The following TEAD1 variants were observed in gnomAD, a reference collection of about 807,000 sequenced individuals.
TEAD1 encodes the protein TEA domain transcription factor 1.
TEAD1 carries 9 observed loss-of-function variants against 54.9 expected under a neutral mutation model. That is an observed-to-expected ratio of 0.16 (90% CI 0.10 to 0.29). The LOEUF (loss-of-function observed/expected upper bound fraction) is 0.29. Among genes scored for constraint, TEAD1 ranks in the 10% least tolerant of loss-of-function variants. The pLI is 1.00. For synonymous variants in TEAD1, 200 were observed against 187.8 expected, an observed-to-expected ratio of 1.07 and a Z score of -0.53; for missense variants, 387 against 535.9, an observed-to-expected ratio of 0.72 and a Z score of 2.74.
At position 12,879,695 on chromosome 11, in the gene TEAD1, T is replaced by C; in HGVS notation, c.331-13T>C. The C allele has an allele frequency of 6.2e-7, 1 of 1,614,198 alleles. No individual in the cohort carries two copies. The highest frequency in any genetic ancestry group is 8.5e-7 in the Non-Finnish European group (1 of 1,180,032). On this transcript the variant is annotated splice_polypyrimidine_tract_variant and intron_variant, in intron 5 of 12. Coordinates refer to ENST00000527636, the MANE Select transcript of TEAD1 (RefSeq NM_021961.6). ...GTTATGTATTAAGTTGGTGTGTCACTGTCACCTTCAAGGATCAGACTGCAA... is the reference window on the plus strand; with the variant it reads ...GTTATGTATTAAGTTGGTGTGTCACCGTCACCTTCAAGGATCAGACTGCAA...
intron 9 of TEAD1, among the ~76,000 whole-genome samples, chr11:12,890,281 G>A (rs1296497630): frequency 6.6e-6 from 1 of 152,176 alleles, no homozygotes; most frequent in East Asian, 1.9e-4. Context: ...CTGCAAAGTA[G>A]GAGCTCCCCA....
At chr11:12,772,987 A>C (rs1314839525) in intron 3 of TEAD1, among the ~76,000 whole-genome samples, 4 of 152,136 alleles carry the variant, frequency 2.6e-5, no homozygotes, top group Admixed American at 6.5e-5. Flanking sequence ...CTGTTTATAA[A>C]ATTTTGTCAT....
chr11:12,769,731 A>T (rs1274660778), intron 3 of TEAD1, among the ~76,000 whole-genome samples: 1 of 152,148 alleles, frequency 6.6e-6, no homozygotes, highest in Non-Finnish European at 1.5e-5. Flanking sequence ...CCTCTGATTC[A>T]GGGTGTTATT....
chr11:12,809,471 C>A (rs1230469489), intron 3 of TEAD1, among the ~76,000 whole-genome samples: 1 of 152,182 alleles, frequency 6.6e-6, no homozygotes, highest in Non-Finnish European at 1.5e-5. Context: ...GTCTTGTAGG[C>A]ATTCAAGAAG....
At chr11:12,745,262 G>A (rs908268143) in intron 2 of TEAD1, among the ~76,000 whole-genome samples, 17 of 152,330 alleles carry the variant, frequency 1.1e-4, no homozygotes, top group African/African-American at 4.1e-4. Flanking sequence ...TAATTGCACG[G>A]TGTGATGTGC....
At chr11:12,827,427 A>G (rs1946678701) in intron 3 of TEAD1, among the ~76,000 whole-genome samples, 1 of 152,226 alleles carries the variant, frequency 6.6e-6, no homozygotes, top group Non-Finnish European at 1.5e-5. Flanking sequence ...ATCTCATTTC[A>G]TTCTGTCAAC....
In TEAD1 at chr11:12,938,617, T is replaced by TC. The variant is rs971106072; in HGVS notation, c.*1395_*1396insC. On this transcript the variant is annotated 3_prime_UTR_variant, in exon 13 of 13. Coordinates refer to ENST00000527636, the MANE Select transcript of TEAD1 (RefSeq NM_021961.6). ...GTTACAGTACTTGTTTGACTTAGGTTTAAGAGGCCCAGCTACCTATCTCTG... is the reference window on the plus strand; with the variant it reads ...GTTACAGTACTTGTTTGACTTAGGTTCTAAGAGGCCCAGCTACCTATCTCTG... The TC allele has an allele frequency of 2.0e-5, 3 of 152,236 alleles. No individual in the cohort carries two copies. Among genetic ancestry groups the TC allele is most frequent in the Admixed American group, 2.0e-4 (3 of 15,290 alleles). 9.4% of individuals were successfully genotyped at this position (152,236 alleles called of 1,614,324 possible). A position where few individuals can be genotyped will look rare whatever the true frequency, so the allele number is the denominator to read the frequency against.
chr11:12,784,315 G>T (rs1945629293), intron 3 of TEAD1, among the ~76,000 whole-genome samples: 2 of 152,260 alleles, frequency 1.3e-5, no homozygotes, highest in South Asian at 2.1e-4. Flanking sequence ...GAGTTGTATG[G>T]AGTTTGCAGT....
At chr11:12,797,419 A>G (rs2133970670) in intron 3 of TEAD1, among the ~76,000 whole-genome samples, 1 of 152,266 alleles carries the variant, frequency 6.6e-6, no homozygotes, top group East Asian at 1.9e-4. Flanking sequence ...CACCCTATCC[A>G]ATGACAATTC....
intron 3 of TEAD1, among the ~76,000 whole-genome samples, chr11:12,770,913 C>T (rs894807182): frequency 3.3e-5 from 5 of 152,168 alleles, no homozygotes; most frequent in Admixed American, 6.5e-5. Flanking sequence ...GATCATGTAG[C>T]GGTTTTTAAA....
At chr11:12,856,252 A>G (rs138819659) in intron 3 of TEAD1, among the ~76,000 whole-genome samples, 52 of 152,184 alleles carry the variant, frequency 3.4e-4, no homozygotes, top group Middle Eastern at 3.4e-3. Context: ...CACCTGAGAA[A>G]GGGAGGCGGA....
chr11:12,791,880 T>C (rs909440346), intron 3 of TEAD1, among the ~76,000 whole-genome samples: 2 of 152,190 alleles, frequency 1.3e-5, no homozygotes, highest in Non-Finnish European at 2.9e-5. Flanking sequence ...GAAATGTTTA[T>C]TATATGCAAA....
chr11:12,692,388 A>G lies in TEAD1; in HGVS notation c.-55+16827A>G, dbSNP rs555792238. On this transcript the variant is annotated intron_variant, in intron 2 of 12. Transcript: ENST00000527636. The stretch of plus-strand genomic sequence containing the variant: ...TTCACAGTGCAGCCAACACAGTCTC[A>G]TGACGGCACAAGTGAATAGTCCTGA... Among the ~76,000 whole-genome samples the G allele has an allele frequency of 3.9e-5, 6 of 152,320 alleles. No homozygotes were observed. The South Asian group carries it at 8.3e-4, about 21-fold the overall frequency.
Position 12,856,072 on chromosome 11 carries a change from A to G in TEAD1, c.203-6178A>G, listed in dbSNP as rs563772027. Among the ~76,000 whole-genome samples the G allele has an allele frequency of 3.3e-5, 5 of 150,940 alleles. No individual in the cohort carries two copies. The South Asian group carries it at 8.4e-4, about 25-fold the overall frequency. ...CCCCATGCTTTGTGCTGATGCCGGC[A>G]TGGGGTCTCCTGTGGAAGACATCTT... On this transcript the variant is annotated intron_variant, in intron 3 of 12. Coordinates refer to ENST00000527636, the MANE Select transcript of TEAD1 (RefSeq NM_021961.6).
At chr11:12,904,963 C>G (rs565533593) in intron 10 of TEAD1, 1 of 229,342 alleles carries the variant, frequency 4.4e-6, no homozygotes, top group Admixed American at 4.7e-5. Flanking sequence ...AATTTATTTA[C>G]GAGTGTAAAG....
intron 3 of TEAD1, among the ~76,000 whole-genome samples, chr11:12,785,648 T>C (rs1294004184): frequency 2.0e-5 from 3 of 152,186 alleles, no homozygotes; most frequent in African/African-American, 7.2e-5. Flanking sequence ...CCTGGTCCTA[T>C]GGCCCACATG....
chr11:12,766,290 A>G (rs1012974011), intron 3 of TEAD1, among the ~76,000 whole-genome samples: 2 of 152,366 alleles, frequency 1.3e-5, no homozygotes, highest in South Asian at 4.1e-4. Context: ...GTTTATAGAC[A>G]GCAGCCCTGG....
At chr11:12,715,082 A>G (rs1477400726) in intron 2 of TEAD1, among the ~76,000 whole-genome samples, 1 of 152,112 alleles carries the variant, frequency 6.6e-6, no homozygotes, top group Non-Finnish European at 1.5e-5. Flanking sequence ...TATGAATAAA[A>G]CACAAAAATC....
rs138079868 is a variant in TEAD1 at position 12,879,401 on chromosome 11, T to A, written c.331-307T>A. The A allele has an allele frequency of 1.7e-3, 1,011 of 594,340 alleles. 8 individuals carry two copies. The African/African-American group carries it at 0.017, about 10-fold the overall frequency. The allele number at this position is 594,340 out of a possible 1,614,324, so 36.8% of individuals were successfully genotyped here. A position where few individuals can be genotyped will look rare whatever the true frequency, so the allele number is the denominator to read the frequency against. On this transcript the variant is annotated intron_variant, in intron 5 of 12. Transcript: ENST00000527636. ...ATGTTTTAAGTAATTGGAGAAATCT[T>A]CTGGAAGCTGACAAGCTAAATAAAT... is the stretch of plus-strand genomic sequence containing the variant.
Sources: allele counts gnomAD v4.1 joint callset (sites outside exome capture counted in the v4.1 genomes callset), GRCh38; gene constraint gnomAD v4.1.1; transcripts MANE v1.5; gene names NCBI Gene and HGNC (gene_info 2026-07-23, HGNC 2026-07-21).